The following PPP2R2C variants were observed in gnomAD, a reference collection of about 807,000 sequenced individuals.
The protein encoded by PPP2R2C is protein phosphatase 2 regulatory subunit Bgamma.
A neutral mutation model predicts 45.3 loss-of-function variants in PPP2R2C; 10 were observed. That is an observed-to-expected ratio of 0.22 (90% CI 0.14 to 0.37). PPP2R2C has a LOEUF of 0.37. PPP2R2C is among the 10% of genes least tolerant of loss of function. The probability of loss-of-function intolerance (pLI) is 1.00; values close to 1 mark genes in which losing one functional copy is unlikely to be tolerated. For synonymous variants in PPP2R2C, 257 were observed against 245.4 expected (o/e 1.05, Z -0.44); for missense variants, 308 against 619.7 (o/e 0.50, Z 5.34).
In PPP2R2C at chr4:6,421,894, T is replaced by G. The variant is rs73798246; in HGVS notation, c.71-40800A>C. On this transcript the variant is annotated intron_variant, in intron 1 of 8. Transcript: ENST00000382599. The stretch of plus-strand genomic sequence containing the variant: ...TTCAATAATAGGGTTGTCATCTTAC[T>G]CTGCCTCCCGATAACCAAATGCTTT... 5.7e-4 allele frequency among the ~76,000 whole-genome samples: 87 copies of G among 152,330 alleles called. No individual in the cohort carries two copies. The Middle Eastern group carries it at 0.017, about 30-fold the overall frequency.
At chr4:6,540,229 C>A (rs897262830) in intron 1 of PPP2R2C, among the ~76,000 whole-genome samples, 2 of 152,198 alleles carry the variant, frequency 1.3e-5, no homozygotes, top group Non-Finnish European at 2.9e-5. Context: ...TTCCCCAAGC[C>A]CCTAGCCCCT....
chr4:6,336,220 A>G (rs1165097270), intron 6 of PPP2R2C, among the ~76,000 whole-genome samples: 1 of 150,974 alleles, frequency 6.6e-6, no homozygotes, highest in African/African-American at 2.4e-5. Flanking sequence ...ACACGCCCCC[A>G]GTCCCCAGGC....
Position 6,471,803 on chromosome 4 carries a change from GAGATTTCTTCACC to G in PPP2R2C, c.70+344_70+356del. On this transcript the variant is annotated intron_variant, in intron 1 of 8. Coordinates refer to ENST00000382599, the MANE Select transcript of PPP2R2C (RefSeq NM_020416.4). This position sits in a 1 kb window ranked among gnomAD's most constrained non-coding sequence, Gnocchi z 5.6. Reference sequence around the variant, plus strand: ...AGGATTTAAACCATTAAATTTCCCCGAGATTTCTTCACCAGATTAGCCACAGCCGTGGCCTTTT... The same window carrying G: ...AGGATTTAAACCATTAAATTTCCCCGAGATTAGCCACAGCCGTGGCCTTTT... 5 of 250,328 alleles carry G rather than the reference GAGATTTCTTCACC, an allele frequency of 2.0e-5. No homozygotes were observed. The highest frequency in any genetic ancestry group is 2.3e-5 in the Non-Finnish European group (3 of 130,320). 15.5% of individuals were successfully genotyped at this position (250,328 alleles called of 1,614,324 possible). A position where few individuals can be genotyped will look rare whatever the true frequency, so the allele number is the denominator to read the frequency against.
At chr4:6,551,498 C>T (rs1725183265) in intron 1 of PPP2R2C, among the ~76,000 whole-genome samples, 1 of 152,220 alleles carries the variant, frequency 6.6e-6, no homozygotes, top group Non-Finnish European at 1.5e-5. Flanking sequence ...GAGGTCTATG[C>T]CTCCTCCTCT....
At chr4:6,417,623 G>C (rs1718679945) in intron 1 of PPP2R2C, among the ~76,000 whole-genome samples, 2 of 152,236 alleles carry the variant, frequency 1.3e-5, no homozygotes, top group Non-Finnish European at 2.9e-5. Flanking sequence ...GGATAAACAT[G>C]TTCTCCTGCT....
At chr4:6,538,800 C>T (rs1480432498) in intron 1 of PPP2R2C, among the ~76,000 whole-genome samples, 6 of 152,210 alleles carry the variant, frequency 3.9e-5, no homozygotes, top group African/African-American at 1.4e-4. Flanking sequence ...CGCTCCCCCG[C>T]ACCGTCATGA....
At chr4:6,434,711 T>A (rs1719812928) in intron 1 of PPP2R2C, among the ~76,000 whole-genome samples, 1 of 152,176 alleles carries the variant, frequency 6.6e-6, no homozygotes, top group Non-Finnish European at 1.5e-5. Context: ...TCCATAGCCA[T>A]GTTTCTGAGA....
chr4:6,342,423 T>C (rs1038778624), intron 6 of PPP2R2C, among the ~76,000 whole-genome samples: 20 of 152,188 alleles, frequency 1.3e-4, no homozygotes, highest in Admixed American at 1.3e-3. Flanking sequence ...ACACCCATCA[T>C]AGGTGCTGAG....
chr4:6,390,296 AGCGGG>A (rs1328402373), intron 1 of PPP2R2C, among the ~76,000 whole-genome samples: 5 of 152,296 alleles, frequency 3.3e-5, no homozygotes, highest in African/African-American at 1.2e-4. Flanking sequence ...CAGGACATAC[AGCGGG>A]GTCTCCCTAG....
intron 1 of PPP2R2C, among the ~76,000 whole-genome samples, chr4:6,440,078 G>T (rs572359985): frequency 6.6e-6 from 1 of 152,048 alleles, no homozygotes; most frequent in African/African-American, 2.4e-5. Context: ...AGGCTGGGTG[G>T]CCCATCTTTT....
Position 6,324,056 on chromosome 4 carries a change from C to T in PPP2R2C, c.1053-463G>A, listed in dbSNP as rs993803800. 2.0e-5 allele frequency among the ~76,000 whole-genome samples: 3 copies of T among 152,328 alleles called. No homozygotes were observed. The highest frequency in any genetic ancestry group is 4.1e-4 in the South Asian group (2 of 4,826). On this transcript the variant is annotated intron_variant, in intron 8 of 8. Coordinates refer to ENST00000382599, the MANE Select transcript of PPP2R2C (RefSeq NM_020416.4). This position sits in a 1 kb window ranked among gnomAD's most constrained non-coding sequence, Gnocchi z 4.1. ...TGTATCTTGGGGTCTCTTATACCCC[C>T]TCACATGTCAGCTGCCACCAACATG...
Position 6,329,191 on chromosome 4 carries a change from C to T in PPP2R2C, c.1052+71G>A. 2 of 1,469,878 alleles carry T rather than the reference C, an allele frequency of 1.4e-6. No individual in the cohort carries two copies. Among genetic ancestry groups the T allele is most frequent in the Non-Finnish European group, 1.9e-6 (2 of 1,059,764 alleles). 91.1% of individuals were successfully genotyped at this position (1,469,878 alleles called of 1,614,324 possible). On this transcript the variant is annotated intron_variant, in intron 8 of 8. Transcript: ENST00000382599. This position sits in a 1 kb window ranked among gnomAD's most constrained non-coding sequence, Gnocchi z 5.8. ...CCCATGCTGCGGGTCACCGGAATCCCAGCCCAGACCCCTGCAGGGCAGAAA... is the reference window on the plus strand; with the variant it reads ...CCCATGCTGCGGGTCACCGGAATCCTAGCCCAGACCCCTGCAGGGCAGAAA...
intron 1 of PPP2R2C, among the ~76,000 whole-genome samples, chr4:6,399,340 T>C (rs141844936): frequency 1.3e-5 from 2 of 152,330 alleles, no homozygotes; most frequent in African/African-American, 4.8e-5. Flanking sequence ...TGCACTCATC[T>C]GAAACCCAGC....
At chr4:6,547,564 A>G (rs1262987061) in intron 1 of PPP2R2C, among the ~76,000 whole-genome samples, 1 of 152,116 alleles carries the variant, frequency 6.6e-6, no homozygotes, top group Non-Finnish European at 1.5e-5. Context: ...TCAATCTAAT[A>G]AACGCTCTGC....
chr4:6,490,141 G>A (rs1279901069), intron 2 of PPP2R2C, among the ~76,000 whole-genome samples: 1 of 152,138 alleles, frequency 6.6e-6, no homozygotes, highest in Non-Finnish European at 1.5e-5. Context: ...TTCAAGAGGT[G>A]CCCAAAGGCC....
At chr4:6,554,977 G>T (rs947542096) in intron 1 of PPP2R2C, among the ~76,000 whole-genome samples, 2 of 148,940 alleles carry the variant, frequency 1.3e-5, no homozygotes, top group African/African-American at 5.0e-5. Context: ...GAGAAAGAAA[G>T]AAAAGAGAAG....
chr4:6,517,436 G>A (rs544659977), intron 2 of PPP2R2C, among the ~76,000 whole-genome samples: 2 of 152,168 alleles, frequency 1.3e-5, no homozygotes, highest in Non-Finnish European at 2.9e-5. Context: ...TGATAAGAGG[G>A]ACTACTTCCC....
chr4:6,419,388 T>A (rs1235718262), intron 1 of PPP2R2C, among the ~76,000 whole-genome samples: 1 of 151,574 alleles, frequency 6.6e-6, no homozygotes, highest in Non-Finnish European at 1.5e-5. Context: ...ATGGTGCCAC[T>A]GCCACTGCAC....
At chr4:6,490,851 C>A (rs1422110105) in intron 2 of PPP2R2C, among the ~76,000 whole-genome samples, 2 of 152,256 alleles carry the variant, frequency 1.3e-5, no homozygotes, top group African/African-American at 4.8e-5. Flanking sequence ...CACTTCCACA[C>A]ACCCTGTGGG....
Sources: gnomAD v4.1 joint callset for allele counts (sites outside exome capture counted in the v4.1 genomes callset) on GRCh38, gnomAD v4.1.1 for gene constraint, Gnocchi (gnomAD v3.1) non-coding constraint, MANE v1.5 for transcripts, NCBI Gene and HGNC (gene_info 2026-07-23, HGNC 2026-07-21) for gene names.